OBSL1: variants seen among roughly 807,000 people sequenced by gnomAD.
The protein encoded by OBSL1 is obscurin-like protein 1.
Under a neutral mutation model 172.0 loss-of-function variants are expected in OBSL1, and 160 were observed. The observed-to-expected ratio is 0.93, with a 90% confidence interval of 0.82 to 1.06. OBSL1 has a LOEUF of 1.06. OBSL1 is among the 50% of genes least tolerant of loss of function. The probability of loss-of-function intolerance (pLI) is 0.00; values close to 1 mark genes in which losing one functional copy is unlikely to be tolerated. For missense variants in OBSL1, 2,681 were observed against 2,715.4 expected, an observed-to-expected ratio of 0.99 and a Z score of 0.28; for synonymous variants, 1,200 against 1,196.3, an observed-to-expected ratio of 1.00 and a Z score of -0.06.
intron 12 of OBSL1, 38 bp downstream of exon 12, chr2:219,557,305 G>A (rs550758347): frequency 2.1e-6 from 3 of 1,437,322 alleles, no homozygotes; most frequent in African/African-American, 2.9e-5. Context: ...GGTCCTTGGG[G>A]TGCCACAGCC....
downstream of OBSL1, chr2:219,547,576 C>G (rs765579111): frequency 6.1e-6 from 9 of 1,471,316 alleles, no homozygotes; most frequent in South Asian, 1.3e-4. Context: ...TCTTCCTCCT[C>G]TGCTACCGAG....
At position 219,554,586 on chromosome 2, in the gene OBSL1, G is replaced by C. The variant is rs1481073895; in HGVS notation, c.4764C>G (p.His1588Gln). 6.2e-7 allele frequency: 1 copy of C among 1,613,380 alleles called. No individual in the cohort carries two copies. ...QLYPGPKCHIHSDGHRHRLVL... is the reference protein window; with the variant it reads ...QLYPGPKCHIQSDGHRHRLVL... ...CCAGTCGGTGACGGTGGCCGTCCGA[G>C]TGGATGTGACACTTGGGTCCTGGAT... The change falls in exon 15 of 21, where the codon CAC becomes CAG. Residue 1588 changes from histidine (H) to glutamine (Q), a missense_variant. By Grantham distance (24) the His-to-Gln change is conservative. This residue lies in a region of OBSL1 where 1,765 missense variants were observed against 1,748.3 expected (regional missense o/e 1.01). Coordinates refer to ENST00000404537, the MANE Select transcript of OBSL1 (RefSeq NM_015311.3).
intron 6 of OBSL1, 142 bp downstream of exon 6, chr2:219,565,100 A>G (rs766922789): frequency 1.6e-5 from 13 of 827,050 alleles, no homozygotes; most frequent in Non-Finnish European, 2.4e-5. Flanking sequence ...GCAAGTGCAG[A>G]GTTATCTGAA....
chr2:219,570,882 C>G lies in OBSL1; in HGVS notation c.351G>C (p.Pro117=). The G allele has an allele frequency of 7.3e-7, 1 of 1,368,154 alleles. No individual in the cohort carries two copies. The highest frequency in any genetic ancestry group is 3.1e-5 in the East Asian group (1 of 32,530). 84.8% of individuals were successfully genotyped at this position (1,368,154 alleles called of 1,614,324 possible). A position where few individuals can be genotyped will look rare whatever the true frequency, so the allele number is the denominator to read the frequency against. ...CCTCCCCGGACCCCGGCGATGGCAG[C>G]GGGCGCTCGGCGGGCTGCAGCTCGG... ...SDPELQPAER[P]LPSPGSGEGA... The change falls in exon 1 of 21, where the codon CCG becomes CCC. Residue 117 remains proline (P), a synonymous_variant. Coordinates refer to ENST00000404537, the MANE Select transcript of OBSL1 (RefSeq NM_015311.3).
At chr2:219,566,763 T>C (rs993080774) in intron 5 of OBSL1, 67 bp downstream of exon 5, 16 of 1,466,760 alleles carry the variant, frequency 1.1e-5, no homozygotes, top group Admixed American at 4.4e-5. Flanking sequence ...AGCATCTGCC[T>C]CGTTTTGCCA....
chr2:219,547,329 CCT>C (rs1225940923), downstream of OBSL1: 12 of 495,760 alleles, frequency 2.4e-5, no homozygotes, highest in East Asian at 1.5e-4. Flanking sequence ...TCTAACCTCC[CCT>C]GACCTCAATG....
At chr2:219,559,524 G>C in intron 8 of OBSL1, 27 bp from the exon 9 acceptor site, 1 of 1,593,806 alleles carries the variant, frequency 6.3e-7, no homozygotes, top group Non-Finnish European at 8.6e-7. Flanking sequence ...ACCACAGCCT[G>C]TCACAAGCTC....
chr2:219,567,651 A>G, intron 3 of OBSL1, 67 bp downstream of exon 3: 2 of 1,588,090 alleles, frequency 1.3e-6, no homozygotes, highest in Non-Finnish European at 1.7e-6. Flanking sequence ...TACTTCACCA[A>G]CCCAGCTCCG....
intron 12 of OBSL1, 191 bp from the exon 13 acceptor site, chr2:219,556,914 C>G: frequency 1.6e-6 from 1 of 637,852 alleles, no homozygotes; most frequent in Non-Finnish European, 2.6e-6. Flanking sequence ...TAGTCAGTTC[C>G]TCATAATCCT....
Position 219,556,697 on chromosome 2 carries a change from C to A in OBSL1, c.4093G>T (p.Glu1365Ter), listed in dbSNP as rs760566452. ...TCGTGGACAGTGAGTGGTGTCAGCT[C>A]CGAGACCAGCTTCACCAGCAGTGGC... ...EEPLLVKLVS[E>*]LTPLTVHEGD... The change falls in exon 13 of 21, where the codon GAG becomes TAG. Residue 1365 changes from glutamate to a stop codon, truncating the protein, a stop_gained. Coordinates refer to ENST00000404537, the MANE Select transcript of OBSL1 (RefSeq NM_015311.3). LOFTEE classifies it high-confidence loss of function. 2.5e-6 allele frequency: 4 copies of A among 1,604,260 alleles called. No individual in the cohort carries two copies. In the African/African-American group the frequency reaches 4.0e-5, roughly 16 times the overall value.
rs367945337 is a variant in OBSL1 at position 219,551,900 on chromosome 2, C to T, written c.5414-102G>A. On this transcript the variant is annotated intron_variant, in intron 19 of 20. Transcript: ENST00000404537. ...TGAAGTCTCCACTCCTGGCCTTAGCCCTCTATGCCACCAGTCCGTTCCCTT... is the reference window on the plus strand; with the variant it reads ...TGAAGTCTCCACTCCTGGCCTTAGCTCTCTATGCCACCAGTCCGTTCCCTT... The T allele has an allele frequency of 1.0e-5, 9 of 873,216 alleles. No individual in the cohort carries two copies. The Admixed American group carries it at 1.6e-4, about 16-fold the overall frequency. 54.1% of individuals were successfully genotyped at this position (873,216 alleles called of 1,614,324 possible).
chr2:219,561,184 G>A (rs778194699), intron 8 of OBSL1, among the ~76,000 whole-genome samples: 1 of 152,126 alleles, frequency 6.6e-6, no homozygotes, highest in Non-Finnish European at 1.5e-5. Context: ...GCTCTGCATG[G>A]GGCGTGACTT....
rs748937625 is a variant in OBSL1, at chr2:219,565,298, C to T, written c.2351G>A (p.Gly784Asp). ...ILPEAKVQDS[G>D]EFECRTEGVS... ...CCCTTCTGTCCTGCACTCAAACTCG[C>T]CACTGTCCTGGACTTTGGCCTCAGG... The change falls in exon 6 of 21, where the codon GGC (glycine) becomes GAC (aspartate). Residue 784 changes from glycine (G) to aspartate (D), a missense_variant. Around this residue, in one of 5 missense-constraint regions of OBSL1, gnomAD observed 1,765 missense variants for 1,748.3 expected, o/e 1.01. Coordinates refer to ENST00000404537, the MANE Select transcript of OBSL1 (RefSeq NM_015311.3). The T allele has an allele frequency of 6.2e-7, 1 of 1,614,022 alleles. No homozygotes were observed. Among genetic ancestry groups the T allele is most frequent in the Non-Finnish European group, 8.5e-7 (1 of 1,179,900 alleles).
intron 5 of OBSL1, 139 bp from the exon 6 acceptor site, chr2:219,565,653 G>C: frequency 1.3e-6 from 1 of 794,306 alleles, no homozygotes; most frequent in Non-Finnish European, 2.0e-6. Context: ...TAAGAGCAGT[G>C]CTTTGGCTGT....
chr2:219,556,224 C>G lies in OBSL1; in HGVS notation c.4405G>C (p.Glu1469Gln). The change falls in exon 14 of 21, where the codon GAA becomes CAA. Residue 1469 changes from glutamate to glutamine, a missense_variant. Glu to Gln is a conservative substitution (Grantham distance 29). This residue lies in a region of OBSL1 where 1,765 missense variants were observed against 1,748.3 expected (regional missense o/e 1.01). Transcript: ENST00000404537. ...RAEEGQDVCL[E>Q]VETGRVGAAG... ...GCACCCACTCGGCCTGTCTCCACTTCGAGACACACATCCTGGCCTTCCTCT... is the reference window on the plus strand; with the variant it reads ...GCACCCACTCGGCCTGTCTCCACTTGGAGACACACATCCTGGCCTTCCTCT... 1.2e-6 allele frequency: 2 copies of G among 1,608,782 alleles called. No individual in the cohort carries two copies. The highest frequency in any genetic ancestry group is 1.7e-6 in the Non-Finnish European group (2 of 1,176,726).
chr2:219,558,427 G>T lies in OBSL1; in HGVS notation c.3259C>A (p.Arg1087Ser), dbSNP rs202246881. 6.3e-7 allele frequency: 1 copy of T among 1,592,814 alleles called. No homozygotes were observed. The change falls in exon 10 of 21, where the codon CGC becomes AGC. Residue 1087 changes from arginine to serine, a missense_variant. Arg to Ser is a moderately radical substitution (Grantham distance 110). Around this residue, in one of 5 missense-constraint regions of OBSL1, gnomAD observed 1,765 missense variants for 1,748.3 expected, o/e 1.01. Coordinates refer to ENST00000404537, the MANE Select transcript of OBSL1 (RefSeq NM_015311.3). ...PPERIVHPAA[R>S]SLDLHFGAPG... is the part of the protein sequence containing the mutation. Reference sequence around the variant, plus strand: ...GCCCCAAAATGCAGATCCAGGGAGCGGGCTGCCGGGTGCACAATCCTCTCT... The same window carrying T: ...GCCCCAAAATGCAGATCCAGGGAGCTGGCTGCCGGGTGCACAATCCTCTCT...
chr2:219,549,954 C>A, downstream of OBSL1: 1 of 1,488,282 alleles, frequency 6.7e-7, no homozygotes, highest in South Asian at 1.3e-5. Context: ...GTCCCTCTCC[C>A]CAGCCTGGAG....
chr2:219,551,180 A>T, intron 20 of OBSL1: 1 of 1,385,612 alleles, frequency 7.2e-7, no homozygotes, highest in Admixed American at 3.0e-5. Context: ...GAGGAGGGAC[A>T]GGCTGGAGGA....
chr2:219,554,634 C>T lies in OBSL1; in HGVS notation c.4716G>A (p.Trp1572Ter), dbSNP rs1421855350. ...GATACAGCTGTACTCCACCCCGGGC[C>T]CACTCCCCGGTCACACCTTCCTGGG... is the stretch of plus-strand genomic sequence containing the variant. ...ELSQEGVTGE[W>*]ARGGVQLYPG... Residue 1572 changes from tryptophan (W) to a stop codon, truncating the protein, a stop_gained, in exon 15 of 21, where the codon TGG becomes TGA. Coordinates refer to ENST00000404537, the MANE Select transcript of OBSL1 (RefSeq NM_015311.3). LOFTEE classifies it high-confidence loss of function. 1.9e-6 allele frequency: 3 copies of T among 1,611,284 alleles called. No homozygotes were observed. Among genetic ancestry groups the T allele is most frequent in the African/African-American group, 1.3e-5 (1 of 75,010 alleles).
Sources: allele counts gnomAD v4.1 joint callset (sites outside exome capture counted in the v4.1 genomes callset), GRCh38; gene constraint gnomAD v4.1.1; regional missense constraint gnomAD v4.1.1; transcripts MANE v1.5; gene names NCBI Gene and HGNC (gene_info 2026-07-23, HGNC 2026-07-21).